Variants in ULK4 observed in about 807,000 individuals in gnomAD.
ULK4 encodes unc-51 like kinase 4, also known as inactive serine/threonine-protein kinase ULK4.
In ULK4, 133 loss-of-function variants were observed where a neutral mutation model predicts 160.6. The ratio of observed to expected loss-of-function variants is 0.83; its 90% CI spans 0.72 to 0.96. The LOEUF is 0.96. Among genes scored for constraint, ULK4 ranks in the 40% least tolerant of loss-of-function variants. The pLI is 0.00. For synonymous variants in ULK4, 534 were observed against 539.8 expected (o/e 0.99, Z 0.15); for missense variants, 1,580 against 1,499.5 (o/e 1.05, Z -0.89).
At chr3:41,353,704 ACTACT>A (rs1559540403) in intron 35 of ULK4, among the ~76,000 whole-genome samples, 11 of 50,016 alleles carry the variant, frequency 2.2e-4, no homozygotes, top group South Asian at 5.8e-4. Context: ...TACAATTACT[ACTACT>A]ACTACTACTA....
chr3:41,622,559 T>A (rs903207476), intron 30 of ULK4, among the ~76,000 whole-genome samples: 1 of 150,354 alleles, frequency 6.7e-6, no homozygotes, highest in Non-Finnish European at 1.5e-5. Flanking sequence ...AACACACACA[T>A]GGACACAAGG....
At chr3:41,911,827 G>A (rs529218370) in intron 9 of ULK4, among the ~76,000 whole-genome samples, 168 bp from the exon 10 acceptor site, 27 of 152,216 alleles carry the variant, frequency 1.8e-4, no homozygotes, top group African/African-American at 5.8e-4. Context: ...ATCAAAGACC[G>A]GCAGGAAAGC....
chr3:41,512,698 C>T (rs1362900304), intron 32 of ULK4, among the ~76,000 whole-genome samples: 4 of 152,058 alleles, frequency 2.6e-5, no homozygotes, highest in African/African-American at 9.7e-5. Context: ...GACCATACTG[C>T]CAAAAGCAAT....
At chr3:41,285,430 G>A (rs532062525) in intron 35 of ULK4, among the ~76,000 whole-genome samples, 3 of 152,132 alleles carry the variant, frequency 2.0e-5, no homozygotes, top group Non-Finnish European at 4.4e-5. Context: ...ATGAATTAAC[G>A]GCATTTGCAG....
chr3:41,619,155 A>C (rs1348061565), intron 30 of ULK4, among the ~76,000 whole-genome samples: 1 of 152,122 alleles, frequency 6.6e-6, no homozygotes, highest in Non-Finnish European at 1.5e-5. Flanking sequence ...CTACAAAGAG[A>C]AGCAGACTCC....
intron 33 of ULK4, among the ~76,000 whole-genome samples, chr3:41,460,919 G>C (rs1026752788): frequency 2.6e-5 from 4 of 152,092 alleles, no homozygotes; most frequent in Admixed American, 2.6e-4. Context: ...GGTTACAGAG[G>C]TGGGGAGTGG....
rs781555875 is a variant in ULK4 at position 41,896,873 on chromosome 3, G to A, written c.1479C>T (p.Cys493=). The A allele has an allele frequency of 1.5e-5, 25 of 1,613,244 alleles. 1 individual carries two copies. The highest frequency in any genetic ancestry group is 9.9e-5 in the South Asian group (9 of 91,060). ...RAKLNLLCYL[C]VVAGHQEVAT... ...CCACCTCCTGGTGACCAGCCACCAC[G>A]CACAAATAGCAAAGGAGATTCAGCT... is the stretch of plus-strand genomic sequence containing the variant. Residue 493 remains cysteine (C), a synonymous_variant, in exon 15 of 37, where the codon TGC becomes TGT. Transcript: ENST00000301831.
At chr3:41,923,555 A>G (rs1699276007) in intron 5 of ULK4, among the ~76,000 whole-genome samples, 1 of 152,194 alleles carries the variant, frequency 6.6e-6, no homozygotes, top group African/African-American at 2.4e-5. Context: ...TCTCCTAGGA[A>G]CAGGCCTGCC....
chr3:41,260,794 C>G (rs2078925209), intron 35 of ULK4, among the ~76,000 whole-genome samples: 1 of 152,200 alleles, frequency 6.6e-6, no homozygotes, highest in Admixed American at 6.5e-5. Context: ...AGAGATATTG[C>G]ACTAAACACC....
chr3:41,642,215 T>G (rs568964023), intron 30 of ULK4, among the ~76,000 whole-genome samples: 3 of 152,054 alleles, frequency 2.0e-5, no homozygotes, highest in South Asian at 2.1e-4. Flanking sequence ...ATACTTTAAG[T>G]TTTAGGGTAC....
At chr3:41,821,374 C>T (rs936738580) in intron 18 of ULK4, among the ~76,000 whole-genome samples, 19 of 152,120 alleles carry the variant, frequency 1.2e-4, no homozygotes, top group Non-Finnish European at 8.8e-5. Flanking sequence ...CACCACCCTC[C>T]CTGAAAAGGC....
intron 2 of ULK4, among the ~76,000 whole-genome samples, chr3:41,953,894 A>C (rs1487116260): frequency 6.6e-6 from 1 of 152,072 alleles, no homozygotes; most frequent in East Asian, 1.9e-4. Context: ...TGAAAAATAC[A>C]AAAAATTGGC....
At chr3:41,363,192 T>A (rs561724097) in intron 35 of ULK4, among the ~76,000 whole-genome samples, 2 of 152,176 alleles carry the variant, frequency 1.3e-5, no homozygotes, top group Non-Finnish European at 2.9e-5. Flanking sequence ...GGGGGGCACA[T>A]AGAGATGCCC....
chr3:41,550,394 A>G (rs551128411), intron 32 of ULK4, among the ~76,000 whole-genome samples: 2 of 150,564 alleles, frequency 1.3e-5, no homozygotes, highest in East Asian at 3.9e-4. Context: ...CCTACAAGAA[A>G]TATATTTCAC....
At chr3:41,658,244 C>T (rs1314260458) in intron 30 of ULK4, among the ~76,000 whole-genome samples, 2 of 152,182 alleles carry the variant, frequency 1.3e-5, no homozygotes, top group African/African-American at 4.8e-5. Flanking sequence ...CAAATACTTA[C>T]ACCAGTGGTT....
At chr3:41,380,697 C>A (rs978912835) in intron 35 of ULK4, among the ~76,000 whole-genome samples, 2 of 152,070 alleles carry the variant, frequency 1.3e-5, no homozygotes, top group Non-Finnish European at 2.9e-5. Flanking sequence ...AAAGCCCAGG[C>A]CCCCCAGGTC....
chr3:41,461,976 T>C (rs894809205), intron 33 of ULK4, among the ~76,000 whole-genome samples: 1 of 152,212 alleles, frequency 6.6e-6, no homozygotes, highest in Non-Finnish European at 1.5e-5. Flanking sequence ...GTAACAATTA[T>C]TTACTGTTAA....
intron 32 of ULK4, among the ~76,000 whole-genome samples, chr3:41,488,344 C>T (rs549020476): frequency 3.9e-5 from 6 of 152,062 alleles, no homozygotes; most frequent in Non-Finnish European, 8.8e-5. Context: ...GGAGACGGTC[C>T]AGAGAGTTGG....
intron 31 of ULK4, among the ~76,000 whole-genome samples, chr3:41,578,507 T>C (rs2029901616): frequency 6.6e-6 from 1 of 152,234 alleles, no homozygotes; most frequent in African/African-American, 2.4e-5. Flanking sequence ...GTTGCGACAG[T>C]ATAAAATGAT....
Sources: allele counts gnomAD v4.1 joint callset (sites outside exome capture counted in the v4.1 genomes callset), GRCh38; gene constraint gnomAD v4.1.1; transcripts MANE v1.5; gene names NCBI Gene and HGNC (gene_info 2026-07-23, HGNC 2026-07-21).